PRKCB: variants seen among roughly 807,000 people sequenced by gnomAD.
The protein encoded by PRKCB is protein kinase C beta.
A neutral mutation model predicts 81.5 loss-of-function variants in PRKCB; 13 were observed. The observed-to-expected ratio is 0.16, with a 90% CI of 0.10 to 0.25. PRKCB has a LOEUF of 0.25. Among genes scored for constraint, PRKCB ranks in the 10% least tolerant of loss-of-function variants. The pLI is 1.00. For missense variants in PRKCB, 509 were observed against 875.7 expected (o/e 0.58, Z 5.29); for synonymous variants, 335 against 321.4 (o/e 1.04, Z -0.45).
intron 2 of PRKCB, among the ~76,000 whole-genome samples, chr16:23,851,881 T>C (rs1462187326): frequency 1.3e-5 from 2 of 152,200 alleles, no homozygotes; most frequent in African/African-American, 2.4e-5. Flanking sequence ...TCTGGTCTGG[T>C]AGTTTGTTAT....
chr16:24,016,470 A>G (rs1965278927), intron 3 of PRKCB, among the ~76,000 whole-genome samples: 1 of 152,076 alleles, frequency 6.6e-6, no homozygotes, highest in Non-Finnish European at 1.5e-5. Flanking sequence ...TGGATGGCAA[A>G]TGTTGTCTAC....
At chr16:23,965,042 C>G (rs1964469783) in intron 2 of PRKCB, among the ~76,000 whole-genome samples, 1 of 152,146 alleles carries the variant, frequency 6.6e-6, no homozygotes, top group African/African-American at 2.4e-5. Context: ...GGTACATGTA[C>G]AGGTTTGTTA....
intron 5 of PRKCB, among the ~76,000 whole-genome samples, chr16:24,081,104 T>C (rs1966243385): frequency 6.6e-6 from 1 of 152,184 alleles, no homozygotes; most frequent in Non-Finnish European, 1.5e-5. Flanking sequence ...TTTTTTTCTT[T>C]TATAGGTCAT....
At chr16:23,937,319 A>G (rs1596480075) in intron 2 of PRKCB, among the ~76,000 whole-genome samples, 1 of 152,224 alleles carries the variant, frequency 6.6e-6, no homozygotes, top group Non-Finnish European at 1.5e-5. Context: ...CAATGCCGTG[A>G]GAGGACATCT....
intron 5 of PRKCB, among the ~76,000 whole-genome samples, chr16:24,051,795 T>C (rs1232009370): frequency 2.0e-5 from 3 of 152,034 alleles, no homozygotes; most frequent in African/African-American, 4.8e-5. Context: ...GGAAGGAGGA[T>C]CACTGAATCC....
At chr16:24,191,393 TG>T (rs1298318030) in intron 16 of PRKCB, 163 bp downstream of exon 16, 1 of 749,946 alleles carries the variant, frequency 1.3e-6, no homozygotes, top group Non-Finnish European at 2.1e-6. Context: ...GTTACTAAGA[TG>T]GACATTTTCC....
intron 10 of PRKCB, among the ~76,000 whole-genome samples, chr16:24,170,063 C>A (rs1003903474): frequency 3.9e-5 from 6 of 152,116 alleles, no homozygotes; most frequent in African/African-American, 1.4e-4. Context: ...ATTACAGGCA[C>A]GAGCCGCTGT....
At position 24,216,960 on chromosome 16, in the gene PRKCB, G is replaced by T. The variant is rs916683518; in HGVS notation, c.*2144G>T. 1.1e-5 allele frequency: 11 copies of T among 985,324 alleles called. No individual in the cohort carries two copies. The African/African-American group carries it at 1.9e-4, about 17-fold the overall frequency. The allele number at this position is 985,324 out of a possible 1,614,324, so 61.0% of individuals were successfully genotyped here. Reference sequence around the variant, plus strand: ...CAGGCCCACCAACAGGCCCTTATCTGGTGGTTGGATCATGATCCCATTTTG... The same window carrying T: ...CAGGCCCACCAACAGGCCCTTATCTTGTGGTTGGATCATGATCCCATTTTG... On this transcript the variant is annotated 3_prime_UTR_variant, in exon 17 of 17. Transcript: ENST00000643927.
At chr16:23,991,576 A>G (rs1418066648) in intron 3 of PRKCB, among the ~76,000 whole-genome samples, 1 of 152,222 alleles carries the variant, frequency 6.6e-6, no homozygotes, top group African/African-American at 2.4e-5. Context: ...AACTCAGCTC[A>G]AACTGACTTA....
chr16:23,912,395 T>C (rs1349453114), intron 2 of PRKCB, among the ~76,000 whole-genome samples: 4 of 151,996 alleles, frequency 2.6e-5, no homozygotes, highest in Admixed American at 2.6e-4. Flanking sequence ...GAGGCCCCTG[T>C]TCTACTGAAT....
chr16:24,194,854 C>T (rs1008132045), intron 16 of PRKCB, among the ~76,000 whole-genome samples: 2 of 152,126 alleles, frequency 1.3e-5, no homozygotes, highest in Admixed American at 1.3e-4. Context: ...CTGGTACCAG[C>T]TCTAAAGGAG....
chr16:24,028,643 A>C (rs1485953804), intron 3 of PRKCB, among the ~76,000 whole-genome samples: 8 of 152,244 alleles, frequency 5.3e-5, no homozygotes, highest in Admixed American at 5.2e-4. Flanking sequence ...ATGCTGCTGC[A>C]TGTGTCAATA....
chr16:23,859,816 G>A (rs187331221), intron 2 of PRKCB, among the ~76,000 whole-genome samples: 19 of 151,976 alleles, frequency 1.3e-4, no homozygotes, highest in Admixed American at 6.6e-4. Flanking sequence ...AAGACCTCCA[G>A]GTTCCCAAAG....
At chr16:24,077,337 C>A (rs1385904619) in intron 5 of PRKCB, among the ~76,000 whole-genome samples, 2 of 152,028 alleles carry the variant, frequency 1.3e-5, no homozygotes, top group Non-Finnish European at 2.9e-5. Flanking sequence ...CTAGTTAAGA[C>A]CCATTACTTT....
intron 2 of PRKCB, among the ~76,000 whole-genome samples, chr16:23,897,719 G>A (rs908630469): frequency 2.6e-5 from 4 of 152,010 alleles, no homozygotes; most frequent in Admixed American, 6.5e-5. Context: ...TGTGAAATGC[G>A]GAGAAGACTG....
At chr16:23,881,399 C>T (rs999178196) in intron 2 of PRKCB, among the ~76,000 whole-genome samples, 5 of 151,982 alleles carry the variant, frequency 3.3e-5, no homozygotes, top group African/African-American at 1.2e-4. Flanking sequence ...ATTACAGGCA[C>T]TCACCACCAC....
At chr16:23,866,982 CCTTCCCTTCCTTCCCTTCCTTCCT>C (rs1962804835) in intron 2 of PRKCB, among the ~76,000 whole-genome samples, 14 of 69,810 alleles carry the variant, frequency 2.0e-4, no homozygotes, top group African/African-American at 7.9e-4. Context: ...TCCTTCCCTT[CCTTCCCTTCCTTCCCTTCCTTCCT>C]TCCTTCCTTC....
chr16:24,078,163 G>A (rs899442194), intron 5 of PRKCB, among the ~76,000 whole-genome samples: 4 of 152,202 alleles, frequency 2.6e-5, no homozygotes, highest in African/African-American at 9.6e-5. Flanking sequence ...CTCCATGTTA[G>A]TATTTATGTC....
At chr16:24,127,255 C>T (rs750933698) in intron 9 of PRKCB, among the ~76,000 whole-genome samples, 74 of 151,922 alleles carry the variant, frequency 4.9e-4, no homozygotes, top group African/African-American at 7.3e-5. Context: ...ATCTGCCTGC[C>T]TCAGCCTCCC....
Sources: allele counts gnomAD v4.1 joint callset (sites outside exome capture counted in the v4.1 genomes callset), GRCh38; gene constraint gnomAD v4.1.1; transcripts MANE v1.5; gene names NCBI Gene and HGNC (gene_info 2026-07-23, HGNC 2026-07-21).